RAMP2: variants seen among roughly 807,000 people sequenced by gnomAD.
The protein encoded by RAMP2 is receptor activity-modifying protein 2.
RAMP2 carries 11 observed loss-of-function variants against 18.2 expected under a neutral mutation model. The ratio of observed to expected loss-of-function variants is 0.60; its 90% CI spans 0.38 to 1.00. The LOEUF is 1.00. Ranked by LOEUF, RAMP2 falls within the 50% of genes least tolerant of loss-of-function variation. The probability of loss-of-function intolerance (pLI) is 0.01; values close to 1 mark genes in which losing one functional copy is unlikely to be tolerated. For missense variants in RAMP2, 191 were observed against 226.5 expected, an observed-to-expected ratio of 0.84 and a Z score of 1.01; for synonymous variants, 86 against 90.8, an observed-to-expected ratio of 0.95 and a Z score of 0.30.
rs1363389463 is a variant in RAMP2 at position 42,761,700 on chromosome 17, G to T, written c.98-134G>T. 1.8e-5 allele frequency: 14 copies of T among 773,300 alleles called. No individual in the cohort carries two copies. Among genetic ancestry groups the T allele is most frequent in the Admixed American group, 1.8e-4 (8 of 45,006 alleles). The allele number at this position is 773,300 out of a possible 1,614,324, so 47.9% of individuals were successfully genotyped here. ...CTCCCTCCCCGGCACTGAGGCGTCC[G>T]TGGGGGCTAGATTATTCCTCCTTTT... On this transcript the variant is annotated intron_variant, in intron 1 of 3. Coordinates refer to ENST00000253796, the MANE Select transcript of RAMP2 (RefSeq NM_005854.3). The surrounding 1 kb of genome is among the most constrained non-coding windows in gnomAD (Gnocchi z 4.2).
At position 42,762,426 on chromosome 17, in the gene RAMP2, A is replaced by G; in HGVS notation, c.235A>G (p.Ile79Val). The G allele has an allele frequency of 3.1e-6, 5 of 1,614,102 alleles. No homozygotes were observed. The highest frequency in any genetic ancestry group is 2.2e-5 in the East Asian group (1 of 44,872). The change falls in exon 3 of 4, where the codon ATC becomes GTC. Residue 79 changes from isoleucine to valine, a missense_variant. Ile to Val is a conservative substitution (Grantham distance 29). Transcript: ENST00000253796. ...TCATTATAAGGATCAAATGGATCCT[A>G]TCGAAAAGGATTGGTGCGACTGGGC... ...WNHYKDQMDPIEKDWCDWAMI... is the reference protein window; with the variant it reads ...WNHYKDQMDPVEKDWCDWAMI...
In RAMP2 at chr17:42,762,903, C is replaced by T. The variant is rs748772498; in HGVS notation, c.*51C>T. The T allele has an allele frequency of 6.9e-5, 105 of 1,514,012 alleles. No individual in the cohort carries two copies. Among genetic ancestry groups the T allele is most frequent in the Non-Finnish European group, 9.0e-5 (101 of 1,117,246 alleles). The allele number at this position is 1,514,012 out of a possible 1,614,324, so 93.8% of individuals were successfully genotyped here. On this transcript the variant is annotated 3_prime_UTR_variant, in exon 4 of 4. Coordinates refer to ENST00000253796, the MANE Select transcript of RAMP2 (RefSeq NM_005854.3). The stretch of plus-strand genomic sequence containing the variant: ...TGTTACTCCACTTCCCCACCCCCAC[C>T]AGGCCTCCCTCCTCCCCTCCTACTC...
At position 42,761,448 on chromosome 17, in the gene RAMP2, C is replaced by T. The variant is rs2054364055; in HGVS notation, c.97+90C>T. 1 of 1,087,218 alleles carries T rather than the reference C, an allele frequency of 9.2e-7. No homozygotes were observed. The highest frequency in any genetic ancestry group is 1.2e-6 in the Non-Finnish European group (1 of 828,954). 67.3% of individuals were successfully genotyped at this position (1,087,218 alleles called of 1,614,324 possible). On this transcript the variant is annotated intron_variant, in intron 1 of 3. Transcript: ENST00000253796. The surrounding 1 kb of genome is among the most constrained non-coding windows in gnomAD (Gnocchi z 4.2). ...GGGAGAGGGGCTGGATGGCCGAGGC[C>T]GGAACGGGCCCTGGGGTGCGGGTTA...
rs367761523 is a variant in RAMP2, at chr17:42,761,871, T to A, written c.135T>A (p.Leu45=). 1.9e-6 allele frequency: 3 copies of A among 1,592,700 alleles called. No homozygotes were observed. The highest frequency in any genetic ancestry group is 4.5e-5 in the East Asian group (2 of 44,760). Residue 45 remains leucine (L), a synonymous_variant, in exon 2 of 4, where the codon CTT becomes CTA. Coordinates refer to ENST00000253796, the MANE Select transcript of RAMP2 (RefSeq NM_005854.3). This position sits in a 1 kb window ranked among gnomAD's most constrained non-coding sequence, Gnocchi z 4.2. ...CCCACGAGGCCCTGGCTCAGCCTCT[T>A]CCCACCACAGGCACACCAGGGTCAG... ...LNPHEALAQP[L]PTTGTPGSEG... is the part of the protein sequence containing the mutation.
At position 42,762,812 on chromosome 17, in the gene RAMP2, T is replaced by C. The variant is rs1486965562; in HGVS notation, c.488T>C (p.Leu163Pro). The change falls in exon 4 of 4, where the codon CTT becomes CCT. Residue 163 changes from leucine to proline, a missense_variant. Leu to Pro is a moderately conservative substitution (Grantham distance 98). Coordinates refer to ENST00000253796, the MANE Select transcript of RAMP2 (RefSeq NM_005854.3). ...TGCCTCATCCCCTTCCTCATCACTC[T>C]TGTAGTATGGAGGAGTAAAGACAGT... ...PICLIPFLIT[L>P]VVWRSKDSEA... 3 of 1,612,918 alleles carry C rather than the reference T, an allele frequency of 1.9e-6. No individual in the cohort carries two copies. The highest frequency in any genetic ancestry group is 2.5e-6 in the Non-Finnish European group (3 of 1,179,348).
In RAMP2 at chr17:42,761,868, T is replaced by C. The variant is rs1226021219; in HGVS notation, c.132T>C (p.Pro44=). 2 of 1,593,182 alleles carry C rather than the reference T, an allele frequency of 1.3e-6. No individual in the cohort carries two copies. Among genetic ancestry groups the C allele is most frequent in the African/African-American group, 1.3e-5 (1 of 74,436 alleles). The change falls in exon 2 of 4, where the codon CCT becomes CCC. Residue 44 remains proline (P), a synonymous_variant. Transcript: ENST00000253796. This position sits in a 1 kb window ranked among gnomAD's most constrained non-coding sequence, Gnocchi z 4.2. ...VLNPHEALAQ[P]LPTTGTPGSE... ...ATCCCCACGAGGCCCTGGCTCAGCC[T>C]CTTCCCACCACAGGCACACCAGGGT...
chr17:42,761,368 G>T lies in RAMP2; in HGVS notation c.97+10G>T. 7.5e-7 allele frequency: 1 copy of T among 1,324,782 alleles called. No homozygotes were observed. Among genetic ancestry groups the T allele is most frequent in the South Asian group, 2.0e-5 (1 of 48,880 alleles). 82.1% of individuals were successfully genotyped at this position (1,324,782 alleles called of 1,614,324 possible). ...CTCCTCCTGCTGGGCGGTGAGCGCGGCGCCCCGAGGCCCGGGCGGGAGGCG... is the reference window on the plus strand; with the variant it reads ...CTCCTCCTGCTGGGCGGTGAGCGCGTCGCCCCGAGGCCCGGGCGGGAGGCG... On this transcript the variant is annotated intron_variant, in intron 1 of 3. Coordinates refer to ENST00000253796, the MANE Select transcript of RAMP2 (RefSeq NM_005854.3). This position sits in a 1 kb window ranked among gnomAD's most constrained non-coding sequence, Gnocchi z 4.2.
Position 42,762,598 on chromosome 17 carries a change from C to G in RAMP2, c.274C>G (p.Pro92Ala). Reference protein sequence around the residue: ...DWCDWAMISRPYSTLRDCLEH... With the variant: ...DWCDWAMISRAYSTLRDCLEH... ...ACTCAAGTCCTCTTCTGCCCCTAGG[C>G]CTTATAGCACCCTGCGAGATTGCCT... The change falls in exon 4 of 4, where the codon CCT (proline) becomes GCT (alanine). Residue 92 changes from proline (P) to alanine (A), a missense_variant and splice_region_variant. Physicochemically the swap from Pro to Ala is conservative, Grantham distance 27. Transcript: ENST00000253796. 6.2e-7 allele frequency: 1 copy of G among 1,611,974 alleles called. No homozygotes were observed.
chr17:42,761,558 A>G lies in RAMP2; in HGVS notation c.97+200A>G, dbSNP rs1351968458. Among the ~76,000 whole-genome samples, 3 of 152,126 alleles carry G rather than the reference A, an allele frequency of 2.0e-5. No individual in the cohort carries two copies. The highest frequency in any genetic ancestry group is 4.4e-5 in the Non-Finnish European group (3 of 68,008). ...GCGCAGCATGAGCTGCTTCCCACCC[A>G]GGGAAAGCTGGGGTGCTGGCCCCGG... On this transcript the variant is annotated intron_variant, in intron 1 of 3. Coordinates refer to ENST00000253796, the MANE Select transcript of RAMP2 (RefSeq NM_005854.3). The surrounding 1 kb of genome is among the most constrained non-coding windows in gnomAD (Gnocchi z 4.2).
Position 42,762,361 on chromosome 17 carries a change from C to A in RAMP2, c.170C>A (p.Thr57Lys), listed in dbSNP as rs369493002. Reference protein sequence around the residue: ...TTGTPGSEGGTVKNYETAVQF... With the variant: ...TTGTPGSEGGKVKNYETAVQF... ...GTAGCATCTGTACCTACAGGGGGGACGGTGAAGAACTATGAGACAGCTGTC... is the reference window on the plus strand; with the variant it reads ...GTAGCATCTGTACCTACAGGGGGGAAGGTGAAGAACTATGAGACAGCTGTC... Residue 57 changes from threonine to lysine, a missense_variant, in exon 3 of 4, where the codon ACG becomes AAG. Physicochemically the swap from Thr to Lys is moderately conservative, Grantham distance 78. Coordinates refer to ENST00000253796, the MANE Select transcript of RAMP2 (RefSeq NM_005854.3). 1.2e-6 allele frequency: 2 copies of A among 1,613,820 alleles called. No homozygotes were observed. The highest frequency in any genetic ancestry group is 1.7e-6 in the Non-Finnish European group (2 of 1,179,948).
chr17:42,761,845 C>T lies in RAMP2; in HGVS notation c.109C>T (p.Pro37Ser), dbSNP rs997160115. The T allele has an allele frequency of 3.8e-6, 6 of 1,588,102 alleles. No individual in the cohort carries two copies. Among genetic ancestry groups the T allele is most frequent in the Non-Finnish European group, 5.2e-6 (6 of 1,156,376 alleles). The change falls in exon 2 of 4, where the codon CCC becomes TCC. Residue 37 changes from proline to serine, a missense_variant. Physicochemically the swap from Pro to Ser is moderately conservative, Grantham distance 74 (BLOSUM62 -1). Transcript: ENST00000253796. This position sits in a 1 kb window ranked among gnomAD's most constrained non-coding sequence, Gnocchi z 4.2. ...GTTTCTTCCCACAGCTGTCCTGAATCCCCACGAGGCCCTGGCTCAGCCTCT... is the reference window on the plus strand; with the variant it reads ...GTTTCTTCCCACAGCTGTCCTGAATTCCCACGAGGCCCTGGCTCAGCCTCT... ...LLLLLGAVLN[P>S]HEALAQPLPT... is the part of the protein sequence containing the mutation.
rs922879711 is a variant in RAMP2 at position 42,762,010 on chromosome 17, A to C, written c.163+111A>C. 6.8e-6 allele frequency: 7 copies of C among 1,029,760 alleles called. No homozygotes were observed. In the African/African-American group the frequency reaches 9.6e-5, roughly 14 times the overall value. The allele number at this position is 1,029,760 out of a possible 1,614,324, so 63.8% of individuals were successfully genotyped here. The stretch of plus-strand genomic sequence containing the variant: ...CCAACCCCAGCTGATGCCCCACTAC[A>C]CTCCCCTCTGTTCTTTCTTGGGGTT... On this transcript the variant is annotated intron_variant, in intron 2 of 3. Transcript: ENST00000253796.
intron 2 of RAMP2, 111 bp from the exon 3 acceptor site, chr17:42,762,244 C>T: frequency 1.3e-6 from 2 of 1,528,042 alleles, no homozygotes; most frequent in Non-Finnish European, 1.8e-6. Context: ...GGGAAACTTT[C>T]TGAAGGGTTC....
rs551269561 is a variant in RAMP2 at position 42,762,977 on chromosome 17, G to T, written c.*125G>T. The T allele has an allele frequency of 2.5e-6, 3 of 1,180,010 alleles. No individual in the cohort carries two copies. The African/African-American group carries it at 4.6e-5, about 18-fold the overall frequency. The allele number at this position is 1,180,010 out of a possible 1,614,324, so 73.1% of individuals were successfully genotyped here. ...CACAGATCCCTGGATTGCTGGGAATGGAAGCCAGGTGGGGTCATGGCACAA... is the reference window on the plus strand; with the variant it reads ...CACAGATCCCTGGATTGCTGGGAATTGAAGCCAGGTGGGGTCATGGCACAA... On this transcript the variant is annotated 3_prime_UTR_variant, in exon 4 of 4. Transcript: ENST00000253796.
chr17:42,762,328 G>A, intron 2 of RAMP2, 27 bp from the exon 3 acceptor site: 1 of 1,613,902 alleles, frequency 6.2e-7, no homozygotes, highest in East Asian at 2.2e-5. Flanking sequence ...TAGGGGTGTG[G>A]TCATTGTGTA....
chr17:42,761,905 T>A lies in RAMP2; in HGVS notation c.163+6T>A, dbSNP rs371326504. 6.4e-7 allele frequency: 1 copy of A among 1,564,162 alleles called. No individual in the cohort carries two copies. Among genetic ancestry groups the A allele is most frequent in the Non-Finnish European group, 8.8e-7 (1 of 1,135,348 alleles). On this transcript the variant is annotated splice_donor_region_variant and intron_variant, in intron 2 of 3. Coordinates refer to ENST00000253796, the MANE Select transcript of RAMP2 (RefSeq NM_005854.3). The surrounding 1 kb of genome is among the most constrained non-coding windows in gnomAD (Gnocchi z 4.2). Reference sequence around the variant, plus strand: ...AGGCACACCAGGGTCAGAAGGTGGGTACCCAGGGTGTGGAAGGGTGGCCGA... The same window carrying A: ...AGGCACACCAGGGTCAGAAGGTGGGAACCCAGGGTGTGGAAGGGTGGCCGA...
chr17:42,761,347 T>C lies in RAMP2; in HGVS notation c.86T>C (p.Leu29Pro), dbSNP rs113193882. 1 of 1,350,050 alleles carries C rather than the reference T, an allele frequency of 7.4e-7. No individual in the cohort carries two copies. The highest frequency in any genetic ancestry group is 9.4e-7 in the Non-Finnish European group (1 of 1,060,126). 83.6% of individuals were successfully genotyped at this position (1,350,050 alleles called of 1,614,324 possible). A position where few individuals can be genotyped will look rare whatever the true frequency, so the allele number is the denominator to read the frequency against. The change falls in exon 1 of 4, where the codon CTC becomes CCC. Residue 29 changes from leucine to proline, a missense_variant. Physicochemically the swap from Leu to Pro is moderately conservative, Grantham distance 98. Coordinates refer to ENST00000253796, the MANE Select transcript of RAMP2 (RefSeq NM_005854.3). This position sits in a 1 kb window ranked among gnomAD's most constrained non-coding sequence, Gnocchi z 4.2. ...CGGCCGGCAGCGCTCCGCCTCCTCC[T>C]CCTGCTGGGCGGTGAGCGCGGCGCC... is the stretch of plus-strand genomic sequence containing the variant. ...VGRPAALRLL[L>P]LLGAVLNPHE...
rs2054375437 is a variant in RAMP2 at position 42,762,991 on chromosome 17, G to T, written c.*139G>T. 4 of 1,023,644 alleles carry T rather than the reference G, an allele frequency of 3.9e-6. No homozygotes were observed. In the South Asian group the frequency reaches 8.0e-5, roughly 20 times the overall value. The allele number at this position is 1,023,644 out of a possible 1,614,324, so 63.4% of individuals were successfully genotyped here. ...TTGCTGGGAATGGAAGCCAGGTGGG[G>T]TCATGGCACAAGTTCTGTAATCTTC... On this transcript the variant is annotated 3_prime_UTR_variant, in exon 4 of 4. Coordinates refer to ENST00000253796, the MANE Select transcript of RAMP2 (RefSeq NM_005854.3).
rs781343629 is a variant in RAMP2, at chr17:42,762,885, C to T, written c.*33C>T. 6 of 1,548,464 alleles carry T rather than the reference C, an allele frequency of 3.9e-6. No homozygotes were observed. Among genetic ancestry groups the T allele is most frequent in the Non-Finnish European group, 4.4e-6 (5 of 1,140,634 alleles). On this transcript the variant is annotated 3_prime_UTR_variant, in exon 4 of 4. Coordinates refer to ENST00000253796, the MANE Select transcript of RAMP2 (RefSeq NM_005854.3). ...CGAGCTTCTCAACAACCATGTTACT[C>T]CACTTCCCCACCCCCACCAGGCCTC...
Sources: gnomAD v4.1 joint callset for allele counts (sites outside exome capture counted in the v4.1 genomes callset) on GRCh38, gnomAD v4.1.1 for gene constraint, Gnocchi (gnomAD v3.1) non-coding constraint, MANE v1.5 for transcripts, NCBI Gene and HGNC (gene_info 2026-07-23, HGNC 2026-07-21) for gene names.